PDZD9: variants seen among roughly 807,000 people sequenced by gnomAD.
PDZD9 encodes PDZ domain containing 9, also known as PDZ domain-containing protein 9.
PDZD9 carries 13 observed loss-of-function variants against 16.3 expected under a neutral mutation model. That is an observed-to-expected ratio of 0.80 (90% CI 0.52 to 1.27). PDZD9 has a LOEUF of 1.27. Ranked by LOEUF, PDZD9 falls within the 50% of genes most tolerant of loss-of-function variation. The pLI is 0.00. For missense variants in PDZD9, 288 were observed against 310.9 expected (o/e 0.93, Z 0.55); for synonymous variants, 120 against 111.0 (o/e 1.08, Z -0.51).
At chr16:21,992,688 AG>A (rs979760301) in intron 2 of PDZD9, among the ~76,000 whole-genome samples, 8 of 152,270 alleles carry the variant, frequency 5.3e-5, no homozygotes, top group African/African-American at 1.7e-4. Flanking sequence ...GTGTTTTGCC[AG>A]GGTTTCTCAG....
the PDZD9 span, chr16:21,976,751 A>G: frequency 3.3e-5 from 5 of 152,286 alleles, no homozygotes; most frequent in African/African-American, 9.6e-5. Flanking sequence ...CCATCTGTAT[A>G]CTTTTTTATC....
At chr16:21,971,067 T>C in the PDZD9 span, among the ~76,000 whole-genome samples, 1 of 152,186 alleles carries the variant, frequency 6.6e-6, no homozygotes, top group African/African-American at 2.4e-5. Flanking sequence ...TGTTCTTTGA[T>C]GGACAATGCA....
At chr16:21,980,859 G>T (rs545897565), downstream of PDZD9, among the ~76,000 whole-genome samples, 6 of 152,068 alleles carry the variant, frequency 3.9e-5, no homozygotes, top group Non-Finnish European at 7.4e-5. Context: ...CATAAGATCC[G>T]CAACAAGCTT....
the PDZD9 span, chr16:21,976,312 C>A: frequency 7.7e-7 from 1 of 1,306,160 alleles, no homozygotes; most frequent in Non-Finnish European, 1.1e-6. Context: ...CAGATTATAA[C>A]AATATTACAA....
the PDZD9 span, among the ~76,000 whole-genome samples, chr16:21,974,764 A>G: frequency 2.0e-5 from 3 of 152,214 alleles, no homozygotes; most frequent in African/African-American, 7.2e-5. Context: ...CGGAGATAGA[A>G]AATTATAAAT....
the PDZD9 span, among the ~76,000 whole-genome samples, chr16:21,977,577 T>C: frequency 2.0e-5 from 3 of 152,366 alleles, no homozygotes; most frequent in African/African-American, 7.2e-5. Flanking sequence ...TTGAAAGTGC[T>C]ATCAACACTC....
the PDZD9 span, among the ~76,000 whole-genome samples, chr16:21,974,264 G>T: frequency 3.3e-4 from 50 of 152,184 alleles, no homozygotes; most frequent in Non-Finnish European, 6.0e-4. Context: ...CAGGAGAGGG[G>T]AAGACCAGGA....
the PDZD9 span, chr16:21,968,704 C>T: frequency 6.3e-7 from 1 of 1,596,492 alleles, no homozygotes; most frequent in Non-Finnish European, 8.5e-7. Flanking sequence ...AGAGTATTGC[C>T]TGCCTGTCAG....
At chr16:21,963,081 C>G in the PDZD9 span, 8 of 503,912 alleles carry the variant, frequency 1.6e-5, no homozygotes, top group Middle Eastern at 2.7e-3. Context: ...CTCCAGCTCC[C>G]GGGTTCAAGC....
chr16:21,998,414 T>G (rs534028300), intron 1 of PDZD9: 2 of 171,788 alleles, frequency 1.2e-5, no homozygotes, highest in African/African-American at 4.7e-5. Context: ...AAAAAAACTT[T>G]GTGCAAGGCA....
the PDZD9 span, among the ~76,000 whole-genome samples, chr16:21,974,240 C>G: frequency 6.6e-6 from 1 of 152,136 alleles, no homozygotes; most frequent in African/African-American, 2.4e-5. Context: ...TCTGAGACAT[C>G]TAAATTGAGA....
chr16:21,961,905 G>A, the PDZD9 span, among the ~76,000 whole-genome samples: 3 of 151,340 alleles, frequency 2.0e-5, no homozygotes, highest in Non-Finnish European at 2.9e-5. Context: ...CGCCCACCTC[G>A]GCCTCCCAAA....
At chr16:21,973,925 T>C in the PDZD9 span, 3 of 1,613,188 alleles carry the variant, frequency 1.9e-6, no homozygotes, top group Non-Finnish European at 2.5e-6. Flanking sequence ...GTTACTCAGA[T>C]TCTGGACTCT....
chr16:21,974,814 C>T, the PDZD9 span, among the ~76,000 whole-genome samples: 3 of 152,156 alleles, frequency 2.0e-5, no homozygotes, highest in Non-Finnish European at 2.9e-5. Context: ...ATCCAGCACA[C>T]AAGTGGACCT....
the PDZD9 span, chr16:21,968,738 T>C: frequency 1.3e-6 from 2 of 1,514,872 alleles, no homozygotes; most frequent in South Asian, 2.5e-5. Context: ...GAGCAGTTCC[T>C]TAAACTGTAA....
intron 1 of PDZD9, among the ~76,000 whole-genome samples, chr16:21,997,795 G>A (rs1044911912): frequency 2.0e-5 from 3 of 152,178 alleles, no homozygotes; most frequent in Non-Finnish European, 2.9e-5. Context: ...GGAAGCTCCT[G>A]GGGAGATCTG....
At chr16:21,983,089 C>T (rs145809522), downstream of PDZD9, 202 of 1,612,496 alleles carry the variant, frequency 1.3e-4, no homozygotes, top group African/African-American at 1.9e-3. Flanking sequence ...TCTTTAAAGG[C>T]GGCAAAGAAG....
chr16:21,962,517 G>T, the PDZD9 span: 2 of 1,614,176 alleles, frequency 1.2e-6, no homozygotes, highest in Admixed American at 1.7e-5. Context: ...GGGGTGATGT[G>T]TAAGTACCTG....
chr16:21,994,070 G>A (rs984022059), intron 2 of PDZD9, among the ~76,000 whole-genome samples: 2 of 152,076 alleles, frequency 1.3e-5, no homozygotes, highest in South Asian at 2.1e-4. Context: ...GGTGGTGCAC[G>A]CCTGAGTCCC....
Sources: gnomAD v4.1 joint callset for allele counts (sites outside exome capture counted in the v4.1 genomes callset) on GRCh38, gnomAD v4.1.1 for gene constraint, MANE v1.5 for transcripts, NCBI Gene and HGNC (gene_info 2026-07-23, HGNC 2026-07-21) for gene names.